HSPBP1: variants seen among roughly 807,000 people sequenced by gnomAD.
HSPBP1 encodes HSPA (Hsp70) binding protein 1, also known as hsp70-binding protein 1.
Under a neutral mutation model 41.7 loss-of-function variants are expected in HSPBP1, and 31 were observed. That is an observed-to-expected ratio of 0.74 (90% CI 0.56 to 1.00). The LOEUF (loss-of-function observed/expected upper bound fraction) is 1.00, where lower values mean the gene tolerates loss of function less well. HSPBP1 is among the 50% of genes least tolerant of loss of function. The probability of loss-of-function intolerance (pLI) is 0.00; values close to 1 mark genes in which losing one functional copy is unlikely to be tolerated. For synonymous variants in HSPBP1, 199 were observed against 214.4 expected (o/e 0.93, Z 0.63); for missense variants, 439 against 487.9 (o/e 0.90, Z 0.94).
chr19:55,274,347 A>AAC, intron 4 of HSPBP1, 51 bp downstream of exon 4: 60 of 325,708 alleles, frequency 1.8e-4, no homozygotes, highest in South Asian at 7.8e-4. Flanking sequence ...CCCACCCGGC[A>AAC]CCCCCCCCCA....
chr19:55,274,092 G>A (rs1317539221), intron 4 of HSPBP1, among the ~76,000 whole-genome samples: 6 of 152,068 alleles, frequency 3.9e-5, no homozygotes, highest in South Asian at 2.1e-4. Flanking sequence ...GACGGCCCCC[G>A]AGAGAGTGAA....
At chr19:55,271,255 G>A (rs2087917564) in intron 4 of HSPBP1, among the ~76,000 whole-genome samples, 1 of 151,604 alleles carries the variant, frequency 6.6e-6, no homozygotes, top group Admixed American at 6.6e-5. Context: ...CTGTCACCCA[G>A]GCTGGAGTGC....
At chr19:55,279,822 C>T (rs912426176) in intron 1 of HSPBP1, 120 bp from the exon 2 acceptor site, 1 of 1,155,200 alleles carries the variant, frequency 8.7e-7, no homozygotes, top group Non-Finnish European at 1.2e-6. Flanking sequence ...GGACCCTTCC[C>T]CAAAGTCATA....
Position 55,266,303 on chromosome 19 carries a change from G to C in HSPBP1, c.641-17C>G. 1 of 1,556,256 alleles carries C rather than the reference G, an allele frequency of 6.4e-7. No individual in the cohort carries two copies. The highest frequency in any genetic ancestry group is 1.2e-5 in the South Asian group (1 of 84,622). On this transcript the variant is annotated splice_polypyrimidine_tract_variant and intron_variant, in intron 4 of 7. Coordinates refer to ENST00000433386, the MANE Select transcript of HSPBP1 (RefSeq NM_012267.5). Reference sequence around the variant, plus strand: ...GGACCAGACCTGGGAGAGGGGGAAAGGTCCTGAGCTTGCAGTCACCACCAC... The same window carrying C: ...GGACCAGACCTGGGAGAGGGGGAAACGTCCTGAGCTTGCAGTCACCACCAC...
At chr19:55,278,224 G>A (rs569923430) in intron 2 of HSPBP1, among the ~76,000 whole-genome samples, 7 of 152,304 alleles carry the variant, frequency 4.6e-5, no homozygotes, top group East Asian at 1.9e-4. Flanking sequence ...CTCCAGCCTG[G>A]GCAACACAGT....
chr19:55,266,079 C>A (rs915243896), intron 5 of HSPBP1, 52 bp downstream of exon 5: 36 of 1,577,148 alleles, frequency 2.3e-5, no homozygotes, highest in Non-Finnish European at 2.9e-5. Flanking sequence ...CACCTGCACC[C>A]ACCCCAGGGC....
chr19:55,274,880 A>C (rs2088029463), intron 3 of HSPBP1, among the ~76,000 whole-genome samples: 1 of 152,196 alleles, frequency 6.6e-6, no homozygotes, highest in African/African-American at 2.4e-5. Context: ...GACACAAAAA[A>C]TGCCTTCTGC....
chr19:55,269,392 C>T (rs2087864416), intron 4 of HSPBP1, among the ~76,000 whole-genome samples: 1 of 152,156 alleles, frequency 6.6e-6, no homozygotes, highest in Non-Finnish European at 1.5e-5. Flanking sequence ...GCTCACCGCC[C>T]ACCTTCCACC....
chr19:55,274,123 G>T (rs963771515), intron 4 of HSPBP1, among the ~76,000 whole-genome samples: 10 of 151,988 alleles, frequency 6.6e-5, no homozygotes, highest in Admixed American at 2.6e-4. Flanking sequence ...TGTGAACAGT[G>T]CCCAGCTGAA....
rs1568972785 is a variant in HSPBP1, at chr19:55,279,531, G to GCCGCCGCCGC, written c.77_78insGCGGCGGCGG (p.Gly27ArgfsTer35). 1 of 1,609,732 alleles carries GCCGCCGCCGC rather than the reference G, an allele frequency of 6.2e-7. No homozygotes were observed. Among genetic ancestry groups the GCCGCCGCCGC allele is most frequent in the Admixed American group, 1.7e-5 (1 of 59,314 alleles). On this transcript the variant is annotated frameshift_variant, in exon 2 of 8. Transcript: ENST00000433386. LOFTEE classifies it high-confidence loss of function. ...CCCCAGCCGAGGAGCCGCCGCCGCCGCCCCCTGAAGAGCAACCCTGGGAGG... is the reference window on the plus strand; with the variant it reads ...CCCCAGCCGAGGAGCCGCCGCCGCCGCCGCCGCCGCCCCCCTGAAGAGCAACCCTGGGAGG...
At chr19:55,267,637 T>G (rs369673508) in intron 4 of HSPBP1, among the ~76,000 whole-genome samples, 7 of 149,160 alleles carry the variant, frequency 4.7e-5, no homozygotes, top group African/African-American at 1.7e-4. Flanking sequence ...ATTTTTGTAT[T>G]TTGAGTAGAG....
Position 55,279,675 on chromosome 19 carries a change from G to T in HSPBP1, c.-67C>A. The T allele has an allele frequency of 6.5e-7, 1 of 1,543,660 alleles. No individual in the cohort carries two copies. The highest frequency in any genetic ancestry group is 1.2e-5 in the South Asian group (1 of 83,514). ...GGTGGTCACCGCTGAAGCAGCTCTGGCGTCCTGATGGGTCGATTCTTGAGG... is the reference window on the plus strand; with the variant it reads ...GGTGGTCACCGCTGAAGCAGCTCTGTCGTCCTGATGGGTCGATTCTTGAGG... On this transcript the variant is annotated 5_prime_UTR_variant, in exon 2 of 8. Transcript: ENST00000433386.
chr19:55,277,248 C>T lies in HSPBP1; in HGVS notation c.415+394G>A, dbSNP rs192282940. Among the ~76,000 whole-genome samples the T allele has an allele frequency of 1.0e-3, 153 of 152,356 alleles. 1 individual carries two copies. The highest frequency in any genetic ancestry group is 3.5e-3 in the African/African-American group (147 of 41,590). ...GCACACTCTGGCCTCAGGGCCTTTG[C>T]ACTGGCTGTTCCTACTGTCTGGAAT... On this transcript the variant is annotated intron_variant, in intron 3 of 7. Transcript: ENST00000433386.
At chr19:55,266,368 A>G (rs201561773) in intron 4 of HSPBP1, 82 bp from the exon 5 acceptor site, 2 of 1,169,240 alleles carry the variant, frequency 1.7e-6, no homozygotes, top group African/African-American at 3.4e-5. Flanking sequence ...ACATCATCAC[A>G]ACCACCATCA....
At chr19:55,274,263 G>T in intron 4 of HSPBP1, 135 bp downstream of exon 4, 1 of 861,916 alleles carries the variant, frequency 1.2e-6, no homozygotes, top group Non-Finnish European at 1.8e-6. Context: ...ACTCAGCCGT[G>T]CAGGGGTCCA....
At chr19:55,262,711 G>A in intron 7 of HSPBP1, 29 bp from the exon 8 acceptor site, 1 of 1,603,546 alleles carries the variant, frequency 6.2e-7, no homozygotes, top group Non-Finnish European at 8.5e-7. Flanking sequence ...GGGAGCAAGG[G>A]GCCTGAGTGC....
intron 3 of HSPBP1, 116 bp downstream of exon 3, chr19:55,277,526 T>C (rs1489670706): frequency 3.8e-6 from 4 of 1,055,460 alleles, no homozygotes; most frequent in Non-Finnish European, 5.7e-6. Flanking sequence ...AACAGGCTGA[T>C]GGTGAGAAGG....
chr19:55,274,347 A>ACCCCCCCCCCCCC (rs11427517), intron 4 of HSPBP1, 51 bp downstream of exon 4: 45 of 328,022 alleles, frequency 1.4e-4, no homozygotes, highest in Middle Eastern at 1.7e-3. Context: ...CCCACCCGGC[A>ACCCCCCCCCCCCC]CCCCCCCCCA....
chr19:55,273,399 T>C (rs1432519571), intron 4 of HSPBP1, among the ~76,000 whole-genome samples: 2 of 152,114 alleles, frequency 1.3e-5, no homozygotes, highest in Non-Finnish European at 1.5e-5. Context: ...GGGGCGCTAG[T>C]ATAGCACATG....
Sources: allele counts gnomAD v4.1 joint callset (sites outside exome capture counted in the v4.1 genomes callset), GRCh38; gene constraint gnomAD v4.1.1; transcripts MANE v1.5; gene names NCBI Gene and HGNC (gene_info 2026-07-23, HGNC 2026-07-21).